ADGRF4: variants seen among roughly 807,000 people sequenced by gnomAD.
ADGRF4 encodes the protein G-protein coupled receptor PGR18.
ADGRF4 carries 63 observed loss-of-function variants against 58.5 expected under a neutral mutation model. The ratio of observed to expected loss-of-function variants is 1.08; its 90% CI spans 0.88 to 1.33. ADGRF4 has a LOEUF of 1.33. ADGRF4 is among the 40% of genes most tolerant of loss of function. The pLI is 0.00. For synonymous variants in ADGRF4, 313 were observed against 295.4 expected (o/e 1.06, Z -0.61); for missense variants, 931 against 843.9 (o/e 1.10, Z -1.28).
chr6:47,719,707 A>G (rs1772111736), intron 9 of ADGRF4, among the ~76,000 whole-genome samples: 1 of 152,154 alleles, frequency 6.6e-6, no homozygotes, highest in Non-Finnish European at 1.5e-5. Context: ...TGCGTAGTGA[A>G]GGCCTTATCT....
chr6:47,711,334 C>G (rs2113901705), intron 4 of ADGRF4, among the ~76,000 whole-genome samples: 1 of 152,286 alleles, frequency 6.6e-6, no homozygotes, highest in African/African-American at 2.4e-5. Flanking sequence ...GCAATCTCAG[C>G]TCACTGCAAC....
rs1219504371 is a variant in ADGRF4, at chr6:47,718,391, T to C, written c.2037T>C (p.Asn679=). ...SLKGKSRAAE[N]ASLGPTNGSK... Reference sequence around the variant, plus strand: ...ACTGTTATTTTTCCCCCACTTAGAATGCATCACTAGGCCCAACCAATGGAT... The same window carrying C: ...ACTGTTATTTTTCCCCCACTTAGAACGCATCACTAGGCCCAACCAATGGAT... The change falls in exon 9 of 10, where the codon AAT becomes AAC. Residue 679 remains asparagine, a splice_region_variant and synonymous_variant. Coordinates refer to ENST00000283303, the MANE Select transcript of ADGRF4 (RefSeq NM_153838.5). The C allele has an allele frequency of 1.9e-6, 3 of 1,539,854 alleles. No homozygotes were observed. Among genetic ancestry groups the C allele is most frequent in the Middle Eastern group, 1.7e-4 (1 of 5,988 alleles).
chr6:47,717,260 TGA>T (rs1772042975), intron 7 of ADGRF4, 30 bp from the exon 8 acceptor site: 2 of 1,482,220 alleles, frequency 1.3e-6, no homozygotes, highest in East Asian at 4.5e-5. Flanking sequence ...CCAACATCTG[TGA>T]GGTACTTCTC....
At chr6:47,705,670 C>T (rs1171624801) in intron 1 of ADGRF4, among the ~76,000 whole-genome samples, 1 of 152,184 alleles carries the variant, frequency 6.6e-6, no homozygotes, top group Non-Finnish European at 1.5e-5. Context: ...CAGGAAAGTC[C>T]ATCTTATGCT....
At chr6:47,705,636 T>C (rs987733098) in intron 1 of ADGRF4, among the ~76,000 whole-genome samples, 3 of 152,216 alleles carry the variant, frequency 2.0e-5, no homozygotes, top group Admixed American at 2.0e-4. Context: ...TGGCTTGTCA[T>C]CTCAGCTGAA....
At chr6:47,709,376 C>T (rs549678889) in intron 3 of ADGRF4, among the ~76,000 whole-genome samples, 4 of 152,290 alleles carry the variant, frequency 2.6e-5, no homozygotes, top group African/African-American at 7.2e-5. Context: ...CATTCATTTA[C>T]GTATTGTCTT....
At position 47,714,839 on chromosome 6, in the gene ADGRF4, A is replaced by G. The variant is rs1169926018; in HGVS notation, c.1594A>G (p.Thr532Ala). ...TGGGTGCCCATTGATCATTGCTGTC[A>G]CTACAGTTGCTATCACAGAGCCAGA... The part of the protein sequence containing the change: ...GYGCPLIIAV[T>A]TVAITEPEKG... The change falls in exon 6 of 10, where the codon ACT (threonine) becomes GCT (alanine). Residue 532 changes from threonine to alanine, a missense_variant. Coordinates refer to ENST00000283303, the MANE Select transcript of ADGRF4 (RefSeq NM_153838.5). 1 of 1,610,880 alleles carries G rather than the reference A, an allele frequency of 6.2e-7. No individual in the cohort carries two copies. The highest frequency in any genetic ancestry group is 1.1e-5 in the South Asian group (1 of 91,046).
chr6:47,709,226 T>A (rs1238120611), intron 3 of ADGRF4, among the ~76,000 whole-genome samples: 1 of 152,192 alleles, frequency 6.6e-6, no homozygotes, highest in Non-Finnish European at 1.5e-5. Context: ...CTTTCCATTT[T>A]CCCCAGCTGC....
rs1771962766 is a variant in ADGRF4, at chr6:47,714,596, C to G, written c.1351C>G (p.Leu451Val). ...VCIVNIAVSL[L>V]TANVWFIIGS... ...CATCGTGAATATAGCAGTGTCCCTT[C>G]TGACTGCCAATGTGTGGTTTATCAT... The change falls in exon 6 of 10, where the codon CTG (leucine) becomes GTG (valine). Residue 451 changes from leucine (L) to valine (V), a missense_variant. Physicochemically the swap from Leu to Val is conservative, Grantham distance 32 (BLOSUM62 1). Transcript: ENST00000283303. 6.2e-7 allele frequency: 1 copy of G among 1,614,188 alleles called. No individual in the cohort carries two copies. The highest frequency in any genetic ancestry group is 8.5e-7 in the Non-Finnish European group (1 of 1,180,018).
chr6:47,708,633 A>G (rs1418523077), intron 3 of ADGRF4, among the ~76,000 whole-genome samples: 1 of 152,224 alleles, frequency 6.6e-6, no homozygotes, highest in African/African-American at 2.4e-5. Context: ...GGGTGCTTAA[A>G]TGTATGCAAC....
chr6:47,707,364 T>A, intron 2 of ADGRF4, 26 bp downstream of exon 2: 1 of 1,379,372 alleles, frequency 7.2e-7, no homozygotes, highest in Non-Finnish European at 1.0e-6. Context: ...TCCTATGTGA[T>A]CCGAGGAGAA....
rs531271266 is a variant in ADGRF4 at position 47,707,005 on chromosome 6, A to G, written c.-16-225A>G. ...TCCGTTCTGGTTCTTCCATCATTCT[A>G]TCTTCTTCTGTAGAAAAGTTAACAG... On this transcript the variant is annotated intron_variant, in intron 1 of 9. Coordinates refer to ENST00000283303, the MANE Select transcript of ADGRF4 (RefSeq NM_153838.5). 1.6e-4 allele frequency among the ~76,000 whole-genome samples: 24 copies of G among 152,354 alleles called. No individual in the cohort carries two copies. The East Asian group carries it at 2.7e-3, about 17-fold the overall frequency.
At chr6:47,720,620 C>T (rs906724185) in intron 9 of ADGRF4, among the ~76,000 whole-genome samples, 2 of 152,134 alleles carry the variant, frequency 1.3e-5, no homozygotes, top group Admixed American at 6.5e-5. Flanking sequence ...TTCTGGGAGG[C>T]AGGGGAGAGA....
At chr6:47,720,900 G>A (rs577575611) in intron 9 of ADGRF4, among the ~76,000 whole-genome samples, 5 of 152,284 alleles carry the variant, frequency 3.3e-5, no homozygotes, top group Admixed American at 2.0e-4. Context: ...CAGCAGCAGA[G>A]GCATTCTAGA....
In ADGRF4 at chr6:47,700,636, C is replaced by T. The variant is rs115086529; in HGVS notation, c.-17+1842C>T. ...CCCTAACCTGGCATGGCATTATTTCCTGCTCAATTCTTTTTTCACATAAGG... is the reference window on the plus strand; with the variant it reads ...CCCTAACCTGGCATGGCATTATTTCTTGCTCAATTCTTTTTTCACATAAGG... On this transcript the variant is annotated intron_variant, in intron 1 of 9. Transcript: ENST00000283303. 4.3e-3 allele frequency among the ~76,000 whole-genome samples: 657 copies of T among 152,266 alleles called. 2 individuals are homozygous for T. The highest frequency in any genetic ancestry group is 0.014 in the African/African-American group (572 of 41,558).
In ADGRF4 at chr6:47,710,374, A is replaced by G. The variant is rs542706818; in HGVS notation, c.149-361A>G. Among the ~76,000 whole-genome samples, 8 of 152,340 alleles carry G rather than the reference A, an allele frequency of 5.3e-5. No homozygotes were observed. The East Asian group carries it at 1.5e-3, about 29-fold the overall frequency. Reference sequence around the variant, plus strand: ...CTATCTTATCATCAATTATCTTTCAAAAACAAGTTCAATCATGTCTTCTGG... The same window carrying G: ...CTATCTTATCATCAATTATCTTTCAGAAACAAGTTCAATCATGTCTTCTGG... On this transcript the variant is annotated intron_variant, in intron 3 of 9. Coordinates refer to ENST00000283303, the MANE Select transcript of ADGRF4 (RefSeq NM_153838.5).
At chr6:47,718,499 C>A (rs11754756) in intron 9 of ADGRF4, 54 bp downstream of exon 9, 256,843 of 1,017,500 alleles carry the variant, frequency 0.25, 37,408 homozygotes, top group East Asian at 0.56. Context: ...GTCAATCCAC[C>A]AATGCCCCTT....
intron 6 of ADGRF4, 26 bp downstream of exon 6, chr6:47,715,203 T>G (rs1397854491): frequency 6.6e-7 from 1 of 1,509,338 alleles, no homozygotes; most frequent in Non-Finnish European, 9.0e-7. Context: ...GAGACTTTTC[T>G]GTGTTACTCC....
chr6:47,705,664 A>T lies in ADGRF4; in HGVS notation c.-16-1566A>T, dbSNP rs115906211. ...CAGCTGAAGGCTCACTGGACCCAGG[A>T]AAGTCCATCTTATGCTTGACTCTAC... is the stretch of plus-strand genomic sequence containing the variant. On this transcript the variant is annotated intron_variant, in intron 1 of 9. Coordinates refer to ENST00000283303, the MANE Select transcript of ADGRF4 (RefSeq NM_153838.5). Among the ~76,000 whole-genome samples, 658 of 152,332 alleles carry T rather than the reference A, an allele frequency of 4.3e-3. 3 individuals carry two copies. Among genetic ancestry groups the T allele is most frequent in the African/African-American group, 0.014 (574 of 41,580 alleles).
Sources: gnomAD v4.1 joint callset for allele counts (sites outside exome capture counted in the v4.1 genomes callset) on GRCh38, gnomAD v4.1.1 for gene constraint, MANE v1.5 for transcripts, NCBI Gene and HGNC (gene_info 2026-07-23, HGNC 2026-07-21) for gene names.